SASS6: variants seen among roughly 807,000 people sequenced by gnomAD.
SASS6 encodes SAS-6 centriolar assembly protein.
Under a neutral mutation model 94.9 loss-of-function variants are expected in SASS6, and 59 were observed. The ratio of observed to expected loss-of-function variants is 0.62; its 90% CI spans 0.50 to 0.77. The LOEUF (loss-of-function observed/expected upper bound fraction) is 0.77. Among genes scored for constraint, SASS6 ranks in the 30% least tolerant of loss-of-function variants. The pLI is 0.00. For missense variants in SASS6, 698 were observed against 734.1 expected (o/e 0.95, Z 0.57); for synonymous variants, 264 against 270.0 (o/e 0.98, Z 0.22).
intron 8 of SASS6, 144 bp downstream of exon 8, chr1:100,110,148 C>T: frequency 4.6e-6 from 2 of 433,750 alleles, no homozygotes; most frequent in Non-Finnish European, 8.2e-6. Context: ...TTCAAATTCT[C>T]AATTTTCTTT....
chr1:100,102,683 A>G (rs1652590130), intron 14 of SASS6, among the ~76,000 whole-genome samples: 1 of 151,960 alleles, frequency 6.6e-6, no homozygotes, highest in African/African-American at 2.4e-5. Flanking sequence ...CTCAAAAAAA[A>G]AAAAAAAAAA....
chr1:100,125,029 G>T (rs1387962101), intron 2 of SASS6, among the ~76,000 whole-genome samples: 1 of 152,058 alleles, frequency 6.6e-6, no homozygotes, highest in Middle Eastern at 3.2e-3. Flanking sequence ...AGTGGCCAGG[G>T]GGTTGGGGAC....
intron 5 of SASS6, among the ~76,000 whole-genome samples, chr1:100,121,045 G>A (rs1039087072): frequency 3.2e-5 from 4 of 125,846 alleles, no homozygotes; most frequent in East Asian, 2.3e-4. Flanking sequence ...GCGAGACTCC[G>A]TCTCAAAAAA....
intron 14 of SASS6, chr1:100,099,475 A>C (rs1652313854): frequency 6.5e-6 from 1 of 152,936 alleles, no homozygotes; most frequent in Non-Finnish European, 1.5e-5. Context: ...CTGAGAATCA[A>C]GAGATGCCTA....
At chr1:100,090,281 G>A (rs1270772110) in intron 14 of SASS6, among the ~76,000 whole-genome samples, 1 of 151,970 alleles carries the variant, frequency 6.6e-6, no homozygotes, top group African/African-American at 2.4e-5. Flanking sequence ...ATTCAAATGA[G>A]TCAATTATAA....
rs1651159049 is a variant in SASS6, at chr1:100,085,344, T to G, written c.1958A>C (p.Gln653Pro). The change falls in exon 17 of 17, where the codon CAG becomes CCG. Residue 653 changes from glutamine to proline, a missense_variant. By Grantham distance (76) the Gln-to-Pro change is moderately conservative. Coordinates refer to ENST00000287482, the MANE Select transcript of SASS6 (RefSeq NM_194292.3). ...PSASSAYFPG[Q>P]LPNS Reference sequence around the variant, plus strand: ...ACACTAGAATTAACTGTTTGGTAACTGCCCAGGGAAATAGGCTGAAGACGC... The same window carrying G: ...ACACTAGAATTAACTGTTTGGTAACGGCCCAGGGAAATAGGCTGAAGACGC... 6.2e-7 allele frequency: 1 copy of G among 1,609,614 alleles called. No homozygotes were observed. The highest frequency in any genetic ancestry group is 1.3e-5 in the African/African-American group (1 of 74,820).
chr1:100,086,163 T>A (rs1651236292), intron 15 of SASS6, among the ~76,000 whole-genome samples: 1 of 150,776 alleles, frequency 6.6e-6, no homozygotes, highest in African/African-American at 2.5e-5. Flanking sequence ...ACTGCCATCC[T>A]TTCTAAATAC....
chr1:100,105,253 G>A (rs1557885256), intron 13 of SASS6, among the ~76,000 whole-genome samples: 1 of 152,146 alleles, frequency 6.6e-6, no homozygotes, highest in Non-Finnish European at 1.5e-5. Context: ...TCTTGGCTGG[G>A]TGCGGTGGCT....
intron 15 of SASS6, among the ~76,000 whole-genome samples, chr1:100,087,464 C>A (rs1301663910): frequency 6.6e-6 from 1 of 152,082 alleles, no homozygotes; most frequent in Non-Finnish European, 1.5e-5. Context: ...TAATAAATAA[C>A]TATATTAGTA....
intron 15 of SASS6, among the ~76,000 whole-genome samples, chr1:100,086,503 T>A (rs578124104): frequency 6.4e-5 from 9 of 140,840 alleles, no homozygotes; most frequent in African/African-American, 2.4e-4. Flanking sequence ...GCTCTGTCTA[T>A]AATGATTTGA....
chr1:100,131,626 T>C (rs1202649459), intron 1 of SASS6, among the ~76,000 whole-genome samples: 1 of 152,146 alleles, frequency 6.6e-6, no homozygotes, highest in Non-Finnish European at 1.5e-5. Context: ...CTGGACAGCA[T>C]TAAAAGAATG....
intron 14 of SASS6, among the ~76,000 whole-genome samples, chr1:100,093,041 G>GT (rs1228331721): frequency 6.6e-6 from 1 of 152,042 alleles, no homozygotes; most frequent in Non-Finnish European, 1.5e-5. Flanking sequence ...ACTTTAAGTG[G>GT]TAAGATATTA....
intron 14 of SASS6, among the ~76,000 whole-genome samples, chr1:100,092,576 TTTTG>T (rs1438755248): frequency 2.0e-5 from 3 of 152,020 alleles, no homozygotes; most frequent in Non-Finnish European, 2.9e-5. Context: ...TTTTGTGTTT[TTTTG>T]TTTGTTTGTT....
chr1:100,116,055 A>G (rs1195643950), intron 7 of SASS6, among the ~76,000 whole-genome samples: 2 of 152,206 alleles, frequency 1.3e-5, no homozygotes, highest in African/African-American at 4.8e-5. Flanking sequence ...ATCTTAAGCC[A>G]TAAAGGCAAT....
chr1:100,118,984 A>C, intron 7 of SASS6, 34 bp downstream of exon 7: 1 of 1,452,890 alleles, frequency 6.9e-7, no homozygotes. Flanking sequence ...ACAGCAATAA[A>C]AGATATTTTT....
Position 100,094,314 on chromosome 1 carries a change from A to T in SASS6, c.1675-6078T>A, listed in dbSNP as rs564872011. Among the ~76,000 whole-genome samples, 22 of 152,354 alleles carry T rather than the reference A, an allele frequency of 1.4e-4. No individual in the cohort carries two copies. In the East Asian group the frequency reaches 4.2e-3, roughly 29 times the overall value. On this transcript the variant is annotated intron_variant, in intron 14 of 16. Coordinates refer to ENST00000287482, the MANE Select transcript of SASS6 (RefSeq NM_194292.3). The stretch of plus-strand genomic sequence containing the variant: ...TGAAAAAAATTAATTCACAGCTGAA[A>T]AAAGCCTCCGGCAAAAAAATTTCCA...
chr1:100,110,600 T>C (rs1653251996), intron 7 of SASS6, 117 bp from the exon 8 acceptor site: 1 of 526,294 alleles, frequency 1.9e-6, no homozygotes, highest in African/African-American at 2.0e-5. Flanking sequence ...TTCTTTTTTG[T>C]CTTAATTTTG....
intron 5 of SASS6, among the ~76,000 whole-genome samples, chr1:100,121,009 C>T (rs983267600): frequency 3.3e-4 from 48 of 145,130 alleles, no homozygotes; most frequent in Middle Eastern, 3.6e-3. Flanking sequence ...GAGATCCCGC[C>T]ACTGCACTCC....
intron 1 of SASS6, among the ~76,000 whole-genome samples, chr1:100,126,247 C>T (rs1277821853): frequency 6.6e-6 from 1 of 152,094 alleles, no homozygotes; most frequent in Non-Finnish European, 1.5e-5. Flanking sequence ...GACTTTGCGG[C>T]CCTGATTGTA....
Sources: allele counts gnomAD v4.1 joint callset (sites outside exome capture counted in the v4.1 genomes callset), GRCh38; gene constraint gnomAD v4.1.1; transcripts MANE v1.5; gene names NCBI Gene and HGNC (gene_info 2026-07-23, HGNC 2026-07-21).